TCEA3: variants seen among roughly 807,000 people sequenced by gnomAD.
TCEA3 encodes the protein transcription elongation factor A3.
A neutral mutation model predicts 44.0 loss-of-function variants in TCEA3; 36 were observed. That is an observed-to-expected ratio of 0.82 (90% CI 0.63 to 1.08). The LOEUF is 1.08. Among genes scored for constraint, TCEA3 ranks in the 50% least tolerant of loss-of-function variants. TCEA3 has a pLI of 0.00. For synonymous variants in TCEA3, 162 were observed against 159.7 expected (o/e 1.01, Z -0.11); for missense variants, 392 against 441.2 (o/e 0.89, Z 1.00).
intron 5 of TCEA3, chr1:23,404,033 G>T: frequency 1.5e-6 from 1 of 683,082 alleles, no homozygotes; most frequent in Non-Finnish European, 2.7e-6. Context: ...CCCCGGATGT[G>T]CCCGCACCGC....
Position 23,387,344 on chromosome 1 carries a change from T to C in TCEA3, c.895A>G (p.Lys299Glu), listed in dbSNP as rs1387347411. 7 of 1,613,820 alleles carry C rather than the reference T, an allele frequency of 4.3e-6. No homozygotes were observed. The highest frequency in any genetic ancestry group is 5.1e-6 in the Non-Finnish European group (6 of 1,179,824). Residue 299 changes from lysine (K) to glutamate (E), a missense_variant, in exon 9 of 11, where the codon AAG (lysine) becomes GAG (glutamate). Lys to Glu is a moderately conservative substitution (Grantham distance 56). Coordinates refer to ENST00000450454, the MANE Select transcript of TCEA3 (RefSeq NM_003196.3). ...AGGTCAGTGGTGGTGCCGCCAGTCT[T>C]GGCCATCTGGTGCTCACGGATGGCC... ...QEAIREHQMAKTGGTTTDLFQ... is the reference protein window; with the variant it reads ...QEAIREHQMAETGGTTTDLFQ...
chr1:23,419,393 T>C, intron 1 of TCEA3: 1 of 339,904 alleles, frequency 2.9e-6, no homozygotes, highest in East Asian at 4.4e-5. Context: ...CTGCTGTGCC[T>C]CTCCCCAGGA....
At chr1:23,420,424 C>T (rs1022446369) in intron 1 of TCEA3, among the ~76,000 whole-genome samples, 1 of 152,128 alleles carries the variant, frequency 6.6e-6, no homozygotes, top group African/African-American at 2.4e-5. Flanking sequence ...TGCATTGTTT[C>T]GTAGAGATAG....
chr1:23,402,751 G>A (rs1273577651), intron 5 of TCEA3, among the ~76,000 whole-genome samples: 1 of 152,158 alleles, frequency 6.6e-6, no homozygotes, highest in Non-Finnish European at 1.5e-5. Flanking sequence ...AGGCTCCAGA[G>A]TATTGGGACC....
At chr1:23,391,633 G>A (rs1020125811) in intron 8 of TCEA3, among the ~76,000 whole-genome samples, 1 of 152,080 alleles carries the variant, frequency 6.6e-6, no homozygotes, top group African/African-American at 2.4e-5. Context: ...CTAGAAATGT[G>A]AGAACTAGGC....
At chr1:23,404,526 C>T (rs1437296343) in intron 5 of TCEA3, among the ~76,000 whole-genome samples, 1 of 152,078 alleles carries the variant, frequency 6.6e-6, no homozygotes, top group Non-Finnish European at 1.5e-5. Context: ...CCTCTGCACT[C>T]ATGGTTAGCC....
chr1:23,400,290 C>T (rs567417179), intron 5 of TCEA3, among the ~76,000 whole-genome samples: 72 of 151,946 alleles, frequency 4.7e-4, no homozygotes, highest in Non-Finnish European at 9.9e-4. Flanking sequence ...ACTGCAATCT[C>T]GAACTCCTGG....
rs540697305 is a variant in TCEA3 at position 23,395,583 on chromosome 1, T to C, written c.665-1550A>G. 1.3e-4 allele frequency among the ~76,000 whole-genome samples: 20 copies of C among 152,328 alleles called. No individual in the cohort carries two copies. The South Asian group carries it at 4.1e-3, about 32-fold the overall frequency. Reference sequence around the variant, plus strand: ...GCTCACGCCTGTAATCCCAGCATTTTACGAGGCTGAGGAGGGAGGATCACC... The same window carrying C: ...GCTCACGCCTGTAATCCCAGCATTTCACGAGGCTGAGGAGGGAGGATCACC... On this transcript the variant is annotated intron_variant, in intron 7 of 10. Coordinates refer to ENST00000450454, the MANE Select transcript of TCEA3 (RefSeq NM_003196.3).
intron 1 of TCEA3, among the ~76,000 whole-genome samples, chr1:23,421,343 G>C (rs1033206720): frequency 6.6e-6 from 1 of 152,170 alleles, no homozygotes; most frequent in Non-Finnish European, 1.5e-5. Context: ...TGCTTTATAA[G>C]GAGCCAAGTT....
At chr1:23,418,244 G>C in intron 2 of TCEA3, 1 of 515,706 alleles carries the variant, frequency 1.9e-6, no homozygotes, top group Non-Finnish European at 3.5e-6. Context: ...TGTAGCTTTG[G>C]TGAAACCTGA....
In TCEA3 at chr1:23,422,148, C is replaced by T. The variant is rs557187602; in HGVS notation, c.69+2417G>A. 4.6e-5 allele frequency among the ~76,000 whole-genome samples: 7 copies of T among 152,276 alleles called. No homozygotes were observed. The South Asian group carries it at 1.5e-3, about 32-fold the overall frequency. Reference sequence around the variant, plus strand: ...ATAAGATCTGAATGTATAAATGTGGCTGTTTGCTAAGTCTGTAGCATTGCA... The same window carrying T: ...ATAAGATCTGAATGTATAAATGTGGTTGTTTGCTAAGTCTGTAGCATTGCA... On this transcript the variant is annotated intron_variant, in intron 1 of 10. Transcript: ENST00000450454.
At chr1:23,394,831 T>C (rs1639169271) in intron 7 of TCEA3, among the ~76,000 whole-genome samples, 1 of 152,190 alleles carries the variant, frequency 6.6e-6, no homozygotes, top group Admixed American at 6.5e-5. Flanking sequence ...CTCCTGACGG[T>C]AACTCTCTCC....
At chr1:23,384,214 T>C (rs1638753628) in intron 10 of TCEA3, 132 bp downstream of exon 10, 1 of 1,544,566 alleles carries the variant, frequency 6.5e-7, no homozygotes, top group African/African-American at 1.4e-5. Flanking sequence ...TCTCTGGCTC[T>C]GCAGACCTAC....
At position 23,405,495 on chromosome 1, in the gene TCEA3, C is replaced by A. The variant is rs568424733; in HGVS notation, c.443+3169G>T. 5.3e-5 allele frequency among the ~76,000 whole-genome samples: 8 copies of A among 152,090 alleles called. No individual in the cohort carries two copies. In the South Asian group the frequency reaches 1.7e-3, roughly 32 times the overall value. On this transcript the variant is annotated intron_variant, in intron 5 of 10. Transcript: ENST00000450454. The stretch of plus-strand genomic sequence containing the variant: ...CCTGTAGTCCCAGCTACTTTGGAGG[C>A]TGAGGCAGGAGAATCACTTGAATCC...
intron 5 of TCEA3, among the ~76,000 whole-genome samples, chr1:23,399,603 C>T (rs990249095): frequency 5.9e-5 from 9 of 151,774 alleles, no homozygotes; most frequent in East Asian, 1.9e-4. Context: ...TCATTTTCTT[C>T]GTTTGCTTAT....
chr1:23,398,247 A>G (rs1639280085), intron 5 of TCEA3, among the ~76,000 whole-genome samples: 1 of 152,172 alleles, frequency 6.6e-6, no homozygotes. Context: ...ACCAGTAGAA[A>G]CAGAATTCAA....
chr1:23,423,783 G>A (rs1363361773), intron 1 of TCEA3: 6 of 456,062 alleles, frequency 1.3e-5, no homozygotes, highest in Non-Finnish European at 2.6e-5. Flanking sequence ...TCACGGGGAA[G>A]ATCAAACATT....
At chr1:23,383,529 T>C (rs1638733273) in intron 10 of TCEA3, 2 of 940,604 alleles carry the variant, frequency 2.1e-6, no homozygotes, top group Admixed American at 6.2e-5. Flanking sequence ...TTATTACTCT[T>C]TTGCTCAATG....
chr1:23,402,444 G>A (rs1470355403), intron 5 of TCEA3, among the ~76,000 whole-genome samples: 2 of 152,122 alleles, frequency 1.3e-5, no homozygotes, highest in Non-Finnish European at 2.9e-5. Context: ...CATGCTCTCC[G>A]CATGGTTTAC....
Sources: allele counts gnomAD v4.1 joint callset (sites outside exome capture counted in the v4.1 genomes callset), GRCh38; gene constraint gnomAD v4.1.1; transcripts MANE v1.5; gene names NCBI Gene and HGNC (gene_info 2026-07-23, HGNC 2026-07-21).